Variants in SYNE1 observed in about 807,000 individuals in gnomAD.
The protein encoded by SYNE1 is nesprin-1.
In SYNE1, 616 loss-of-function variants were observed where a neutral mutation model predicts 1,111.0. That is an observed-to-expected ratio of 0.55 (90% confidence interval 0.52 to 0.59). The LOEUF (loss-of-function observed/expected upper bound fraction) is 0.59, where lower values mean the gene tolerates loss of function less well. Ranked by LOEUF, SYNE1 falls within the 20% of genes least tolerant of loss-of-function variation. SYNE1 has a pLI of 0.00. For synonymous variants in SYNE1, 3,855 were observed against 3,825.8 expected (o/e 1.01, Z -0.28); for missense variants, 10,006 against 10,417.0 (o/e 0.96, Z 1.72).
At position 152,226,061 on chromosome 6, in the gene SYNE1, C is replaced by T. The variant is rs561251347; in HGVS notation, c.21196-185G>A. Among the ~76,000 whole-genome samples, 517 of 152,116 alleles carry T rather than the reference C, an allele frequency of 3.4e-3. 2 individuals carry two copies. The highest frequency in any genetic ancestry group is 6.0e-3 in the Non-Finnish European group (410 of 68,000). ...CACTCAAATGCAAAAAAAAAGTCAT[C>T]TTTTTACACATGGCAAATTAGCATA... On this transcript the variant is annotated intron_variant, in intron 115 of 145. Coordinates refer to ENST00000367255, the MANE Select transcript of SYNE1 (RefSeq NM_182961.4).
chr6:152,180,232 CT>C lies in SYNE1; in HGVS notation c.23363del (p.Lys7788ArgfsTer9), dbSNP rs2067611937. The C allele has an allele frequency of 2.5e-6, 4 of 1,614,012 alleles. No individual in the cohort carries two copies. The highest frequency in any genetic ancestry group is 2.5e-6 in the Non-Finnish European group (3 of 1,180,014). On this transcript the variant is annotated frameshift_variant, in exon 129 of 146. Coordinates refer to ENST00000367255, the MANE Select transcript of SYNE1 (RefSeq NM_182961.4). LOFTEE classifies it high-confidence loss of function. ...RLNEWAVFSEKNKELCEWLTQ... is the reference protein window; with the variant it reads ...RLNEWAVFSEXNKELCEWLTQ... ...TCAACCACTCACAGAGTTCCTTGTT[CT>C]TTTCACTGAAGACTGCCCATTCATT...
In SYNE1 at chr6:152,417,936, TG is replaced by T. The variant is rs1184472029; in HGVS notation, c.5422-922del. The stretch of plus-strand genomic sequence containing the variant: ...AGTTCCAAATCCGAGTTGTATTTTA[TG>T]CAAGACTTCTGTATAGGAAATTTGA... On this transcript the variant is annotated intron_variant, in intron 40 of 145. Coordinates refer to ENST00000367255, the MANE Select transcript of SYNE1 (RefSeq NM_182961.4). 3.9e-5 allele frequency among the ~76,000 whole-genome samples: 6 copies of T among 152,304 alleles called. No homozygotes were observed. The East Asian group carries it at 1.2e-3, about 29-fold the overall frequency.
At chr6:152,238,786 T>C (rs2084822490) in intron 108 of SYNE1, among the ~76,000 whole-genome samples, 1 of 152,160 alleles carries the variant, frequency 6.6e-6, no homozygotes, top group African/African-American at 2.4e-5. Context: ...CCATCAATAA[T>C]GTCCTACATT....
At chr6:152,141,480 A>G (rs2058545351) in intron 138 of SYNE1, 151 bp from the exon 139 acceptor site, 1 of 1,042,390 alleles carries the variant, frequency 9.6e-7, no homozygotes, top group African/African-American at 1.6e-5. Flanking sequence ...AAGATGGCCG[A>G]GTGTGGTGTC....
intron 98 of SYNE1, among the ~76,000 whole-genome samples, chr6:152,273,025 A>G (rs1562682379): frequency 1.3e-5 from 2 of 152,254 alleles, no homozygotes; most frequent in Admixed American, 1.3e-4. Context: ...AGATCTAGTA[A>G]TATTTTATAT....
chr6:152,259,190 T>C (rs995927990), intron 101 of SYNE1, among the ~76,000 whole-genome samples: 1 of 152,196 alleles, frequency 6.6e-6, no homozygotes, highest in African/African-American at 2.4e-5. Context: ...TTAATTTCCA[T>C]ACCGATCATA....
intron 22 of SYNE1, among the ~76,000 whole-genome samples, chr6:152,457,784 G>A (rs492921): frequency 0.52 from 79,451 of 151,576 alleles, 22,700 homozygotes; most frequent in East Asian, 0.76. Flanking sequence ...AAGAAGGCAC[G>A]TATGCCTTTT....
chr6:152,277,518 C>A (rs150783982), intron 98 of SYNE1: 3,654 of 154,874 alleles, frequency 0.024, 182 homozygotes, highest in African/African-American at 0.083. Context: ...GAACTCCTGA[C>A]CTCAAGTGAT....
chr6:152,304,322 CT>C (rs2095306723), intron 91 of SYNE1, among the ~76,000 whole-genome samples: 1 of 152,058 alleles, frequency 6.6e-6, no homozygotes, highest in Non-Finnish European at 1.5e-5. Flanking sequence ...TTGAAGGAAT[CT>C]TTTTTATTAT....
chr6:152,314,551 T>G (rs1425164790), intron 87 of SYNE1, among the ~76,000 whole-genome samples: 1 of 152,152 alleles, frequency 6.6e-6, no homozygotes, highest in Non-Finnish European at 1.5e-5. Context: ...TATATTGTAC[T>G]GTTTCCTTCT....
chr6:152,206,502 C>T, intron 125 of SYNE1, 140 bp from the exon 126 acceptor site: 2 of 836,322 alleles, frequency 2.4e-6, no homozygotes, highest in Non-Finnish European at 3.8e-6. Flanking sequence ...CATGCATGCA[C>T]CAGTGAATAA....
intron 6 of SYNE1, among the ~76,000 whole-genome samples, chr6:152,511,399 G>GA (rs906022504): frequency 4.0e-5 from 6 of 151,662 alleles, no homozygotes; most frequent in Non-Finnish European, 7.4e-5. Flanking sequence ...ATGTCAAACA[G>GA]AAAAAAAATG....
At chr6:152,302,264 C>G in intron 91 of SYNE1, 1 of 689,932 alleles carries the variant, frequency 1.4e-6, no homozygotes, top group Non-Finnish European at 2.5e-6. Context: ...CAGGCACAGC[C>G]AAAGTGCCCG....
intron 133 of SYNE1, among the ~76,000 whole-genome samples, 182 bp downstream of exon 133, chr6:152,154,709 CT>C (rs2061056233): frequency 6.6e-6 from 1 of 152,084 alleles, no homozygotes; most frequent in African/African-American, 2.4e-5. Flanking sequence ...ATAAAAACCT[CT>C]TTTTCCCCCT....
At chr6:152,418,613 C>T (rs2098203723) in intron 40 of SYNE1, among the ~76,000 whole-genome samples, 1 of 151,972 alleles carries the variant, frequency 6.6e-6, no homozygotes, top group Non-Finnish European at 1.5e-5. Flanking sequence ...AAAATGATAC[C>T]CTAAAATATG....
intron 61 of SYNE1, 101 bp downstream of exon 61, chr6:152,368,871 G>A: frequency 1.4e-6 from 2 of 1,472,494 alleles, no homozygotes; most frequent in Admixed American, 1.7e-5. Flanking sequence ...GACCCACACT[G>A]TGGGCGGGTC....
At chr6:152,598,497 T>C (rs1471151975) in intron 3 of SYNE1, among the ~76,000 whole-genome samples, 2 of 152,226 alleles carry the variant, frequency 1.3e-5, no homozygotes, top group African/African-American at 4.8e-5. Context: ...AATTCTTCTT[T>C]AAGTAATTTA....
At chr6:152,581,883 C>T (rs761503508) in intron 3 of SYNE1, among the ~76,000 whole-genome samples, 2 of 152,166 alleles carry the variant, frequency 1.3e-5, no homozygotes, top group Non-Finnish European at 2.9e-5. Flanking sequence ...ATCCGATTCA[C>T]TCTTCTTGTG....
At chr6:152,403,563 A>T (rs1459399255) in intron 46 of SYNE1, among the ~76,000 whole-genome samples, 1 of 152,096 alleles carries the variant, frequency 6.6e-6, no homozygotes, top group Non-Finnish European at 1.5e-5. Flanking sequence ...TCTACAAAAA[A>T]TTTAAAAAAT....
Sources: allele counts gnomAD v4.1 joint callset (sites outside exome capture counted in the v4.1 genomes callset), GRCh38; gene constraint gnomAD v4.1.1; transcripts MANE v1.5; gene names NCBI Gene and HGNC (gene_info 2026-07-23, HGNC 2026-07-21).